OPCML: variants seen among roughly 807,000 people sequenced by gnomAD.
OPCML encodes opioid binding protein/cell adhesion molecule like.
A neutral mutation model predicts 37.8 loss-of-function variants in OPCML; 13 were observed. That is an observed-to-expected ratio of 0.34 (90% confidence interval 0.22 to 0.55). OPCML has a LOEUF of 0.55. Among genes scored for constraint, OPCML ranks in the 20% least tolerant of loss-of-function variants. The pLI is 0.91. For synonymous variants in OPCML, 176 were observed against 168.8 expected (o/e 1.04, Z -0.33); for missense variants, 341 against 435.6 (o/e 0.78, Z 1.93).
At chr11:132,912,907 C>A (rs765705588) in intron 2 of OPCML, among the ~76,000 whole-genome samples, 22 of 152,310 alleles carry the variant, frequency 1.4e-4, no homozygotes, top group Middle Eastern at 3.4e-3. Context: ...TAACAGGCAA[C>A]TTTTCACCAT....
intron 1 of OPCML, among the ~76,000 whole-genome samples, chr11:132,978,560 C>A (rs10894633): frequency 0.27 from 41,076 of 151,982 alleles, 6,282 homozygotes; most frequent in African/African-American, 0.41. Flanking sequence ...CCCCGGGGGT[C>A]TGCAAGGTGT....
At chr11:132,667,096 A>C (rs1173777118) in intron 2 of OPCML, among the ~76,000 whole-genome samples, 4 of 152,230 alleles carry the variant, frequency 2.6e-5, no homozygotes, top group Non-Finnish European at 5.9e-5. Context: ...TGCAGCCAAC[A>C]CTTTAACGAA....
intron 1 of OPCML, among the ~76,000 whole-genome samples, chr11:133,433,272 A>C (rs1946165379): frequency 6.8e-6 from 1 of 147,780 alleles, no homozygotes; most frequent in Non-Finnish European, 1.5e-5. Flanking sequence ...AAAAAAAAAT[A>C]TTACTGATGG....
At chr11:133,073,963 C>A (rs993537134) in intron 1 of OPCML, among the ~76,000 whole-genome samples, 6 of 152,180 alleles carry the variant, frequency 3.9e-5, no homozygotes, top group Non-Finnish European at 1.5e-5. Context: ...GGATGGAAAC[C>A]AGTTTGACTT....
At chr11:133,337,493 AG>A (rs1454839433) in intron 1 of OPCML, among the ~76,000 whole-genome samples, 1 of 152,188 alleles carries the variant, frequency 6.6e-6, no homozygotes, top group Non-Finnish European at 1.5e-5. Flanking sequence ...AGGTGGCCTC[AG>A]CTCTTGCCCC....
At chr11:132,932,231 G>T (rs1283949379) in intron 2 of OPCML, among the ~76,000 whole-genome samples, 1 of 152,094 alleles carries the variant, frequency 6.6e-6, no homozygotes, top group Non-Finnish European at 1.5e-5. Flanking sequence ...GAGAGGGATG[G>T]TGGTGACAGT....
intron 1 of OPCML, among the ~76,000 whole-genome samples, chr11:133,141,048 C>CGAAGAAGAAGAAGAA (rs1161324241): frequency 0.036 from 211 of 5,784 alleles, 93 homozygotes; most frequent in Non-Finnish European, 0.064. Context: ...ACGACGACGA[C>CGAAGAAGAAGAAGAA]GAAGAAGAAG....
intron 1 of OPCML, among the ~76,000 whole-genome samples, chr11:133,240,830 A>T (rs544357534): frequency 6.6e-6 from 1 of 152,196 alleles, no homozygotes; most frequent in African/African-American, 2.4e-5. Context: ...AATTTCAAGG[A>T]ACTAGAAAGT....
intron 4 of OPCML, among the ~76,000 whole-genome samples, chr11:132,439,738 T>C (rs1592176098): frequency 6.6e-6 from 1 of 150,678 alleles, no homozygotes; most frequent in Non-Finnish European, 1.5e-5. Context: ...TGTGGTAGAA[T>C]GAGAAGCCTG....
At chr11:133,152,147 C>T (rs187779497) in intron 1 of OPCML, among the ~76,000 whole-genome samples, 1 of 152,260 alleles carries the variant, frequency 6.6e-6, no homozygotes, top group East Asian at 1.9e-4. Flanking sequence ...TAACCTCCTT[C>T]AGAATCCAAA....
chr11:132,649,317 A>G (rs140508692), intron 3 of OPCML, among the ~76,000 whole-genome samples: 66 of 152,306 alleles, frequency 4.3e-4, no homozygotes, highest in African/African-American at 1.4e-3. Context: ...GTTGTCACCA[A>G]CCACACACAA....
intron 2 of OPCML, among the ~76,000 whole-genome samples, chr11:132,745,580 A>AAAAAAAAAG (rs1555183231): frequency 1.3e-4 from 11 of 87,546 alleles, no homozygotes; most frequent in African/African-American, 4.5e-4. Flanking sequence ...AAAAAAAAAA[A>AAAAAAAAAG]AAAGAAAGAA....
At chr11:132,446,601 A>T (rs936268850) in intron 4 of OPCML, among the ~76,000 whole-genome samples, 30 of 152,194 alleles carry the variant, frequency 2.0e-4, no homozygotes, top group African/African-American at 7.2e-4. Context: ...TAAGTTATTG[A>T]CAAAATGTTT....
intron 1 of OPCML, among the ~76,000 whole-genome samples, chr11:133,123,709 A>G (rs2137119740): frequency 6.6e-6 from 1 of 151,484 alleles, no homozygotes; most frequent in South Asian, 2.1e-4. Context: ...CCAAAAGGTC[A>G]CCGCCTCCTG....
rs537410143 is a variant in OPCML at position 132,862,737 on chromosome 11, C to G, written c.146+80189G>C. On this transcript the variant is annotated intron_variant, in intron 2 of 7. Transcript: ENST00000524381. The stretch of plus-strand genomic sequence containing the variant: ...AATGGGGCCTGTCTCCTGGTCTGCG[C>G]TAGCCTTCCCTTGCCTCATCACTGT... 7.2e-5 allele frequency among the ~76,000 whole-genome samples: 11 copies of G among 152,306 alleles called. No homozygotes were observed. The South Asian group carries it at 2.3e-3, about 32-fold the overall frequency.
intron 1 of OPCML, among the ~76,000 whole-genome samples, chr11:132,969,111 C>G (rs563462656): frequency 6.6e-6 from 1 of 151,100 alleles, no homozygotes; most frequent in South Asian, 2.1e-4. Context: ...CCCCCTCCCA[C>G]CCTTCCCCCT....
chr11:132,803,376 C>T (rs1322887235), intron 2 of OPCML, among the ~76,000 whole-genome samples: 2 of 152,184 alleles, frequency 1.3e-5, no homozygotes, highest in Non-Finnish European at 2.9e-5. Flanking sequence ...TTTGGTGGCA[C>T]ATTTTATGAG....
chr11:133,117,437 T>C (rs1157894670), intron 1 of OPCML, among the ~76,000 whole-genome samples: 1 of 152,214 alleles, frequency 6.6e-6, no homozygotes, highest in East Asian at 1.9e-4. Context: ...GGTGTTCCCA[T>C]AGACTAGCAC....
chr11:133,229,982 A>G (rs1940207248), intron 1 of OPCML, among the ~76,000 whole-genome samples: 1 of 152,196 alleles, frequency 6.6e-6, no homozygotes, highest in Non-Finnish European at 1.5e-5. Flanking sequence ...TGCCCAAGGC[A>G]ATAGCTTGAC....
Sources: allele counts gnomAD v4.1 joint callset (sites outside exome capture counted in the v4.1 genomes callset), GRCh38; gene constraint gnomAD v4.1.1; transcripts MANE v1.5; gene names NCBI Gene and HGNC (gene_info 2026-07-23, HGNC 2026-07-21).